DACH2: variants seen among roughly 807,000 people sequenced by gnomAD.
The protein encoded by DACH2 is dachshund family transcription factor 2, also known as dachshund homolog 2.
Under a neutral mutation model 35.8 loss-of-function variants are expected in DACH2, and 17 were observed. The ratio of observed to expected loss-of-function variants is 0.48; its 90% confidence interval spans 0.33 to 0.71. DACH2 has a LOEUF of 0.71. DACH2 is among the 30% of genes least tolerant of loss of function. The pLI is 0.02. For missense variants in DACH2, 469 were observed against 472.7 expected (o/e 0.99, Z 0.07); for synonymous variants, 195 against 177.3 (o/e 1.10, Z -0.79).
intron 1 of DACH2, among the ~76,000 whole-genome samples, chrX:86,204,730 GTTTA>G (rs1341975794): frequency 1.8e-5 from 2 of 111,966 alleles, no homozygotes; most frequent in African/African-American, 6.5e-5. Flanking sequence ...TATGATCCTT[GTTTA>G]TTTATTCCAA....
At chrX:86,264,509 CA>C (rs201443359) in intron 1 of DACH2, among the ~76,000 whole-genome samples, 2,840 of 111,368 alleles carry the variant, frequency 0.026, 51 homozygotes, top group Non-Finnish European at 0.04. Flanking sequence ...TAAAGATATT[CA>C]AAATTTGTAT....
At chrX:86,489,709 C>T (rs778302234) in intron 2 of DACH2, among the ~76,000 whole-genome samples, 206 of 111,465 alleles carry the variant, frequency 1.8e-3, no homozygotes, top group Non-Finnish European at 2.9e-3. Context: ...GTCTAAACCG[C>T]GTTCACTGTC....
chrX:86,401,123 TCA>T (rs1295926382), intron 2 of DACH2, among the ~76,000 whole-genome samples: 3 of 111,921 alleles, frequency 2.7e-5, no homozygotes, highest in Non-Finnish European at 3.8e-5. Context: ...CAGTTTGATC[TCA>T]GACTGCTGTG....
At chrX:86,604,513 A>G (rs1313139045) in intron 3 of DACH2, among the ~76,000 whole-genome samples, 1 of 111,967 alleles carries the variant, frequency 8.9e-6, no homozygotes, top group Non-Finnish European at 1.9e-5. Context: ...ATCATAGATT[A>G]TTTTGAGTGT....
intron 1 of DACH2, among the ~76,000 whole-genome samples, chrX:86,228,151 TG>T (rs1385310352): frequency 3.7e-5 from 4 of 109,211 alleles, no homozygotes; most frequent in Non-Finnish European, 5.7e-5. Context: ...CAAAGTCCAT[TG>T]TATCATTCTT....
intron 2 of DACH2, among the ~76,000 whole-genome samples, chrX:86,469,829 C>T (rs928253116): frequency 2.9e-5 from 3 of 104,513 alleles, no homozygotes; most frequent in African/African-American, 7.1e-5. Context: ...TATATGTATA[C>T]GTCTGTGTGT....
intron 7 of DACH2, among the ~76,000 whole-genome samples, chrX:86,747,977 C>A (rs867968197): frequency 8.9e-6 from 1 of 112,307 alleles, no homozygotes; most frequent in Non-Finnish European, 1.9e-5. Context: ...GTGTTCACAA[C>A]ATTTTTATCA....
chrX:86,695,732 T>C (rs924575607), intron 5 of DACH2, among the ~76,000 whole-genome samples: 1 of 109,849 alleles, frequency 9.1e-6, no homozygotes, highest in Non-Finnish European at 1.9e-5. Flanking sequence ...AGGCTGGTCT[T>C]GAACTCCTAA....
chrX:86,389,860 A>G (rs1390692260), intron 2 of DACH2, among the ~76,000 whole-genome samples: 1 of 112,500 alleles, frequency 8.9e-6, no homozygotes, highest in East Asian at 2.8e-4. Flanking sequence ...TTGTCATGAC[A>G]TTTCTTTTAC....
chrX:86,457,274 G>A (rs1440637585), intron 2 of DACH2, among the ~76,000 whole-genome samples: 1 of 111,776 alleles, frequency 8.9e-6, no homozygotes, highest in Non-Finnish European at 1.9e-5. Context: ...GGTTCTCTAA[G>A]TAACAGCTAT....
At chrX:86,634,747 GT>G (rs1431163179) in intron 3 of DACH2, among the ~76,000 whole-genome samples, 1 of 111,559 alleles carries the variant, frequency 9.0e-6, no homozygotes, top group African/African-American at 3.3e-5. Context: ...TGAAAGATCT[GT>G]AAAAGAAAAC....
intron 1 of DACH2, among the ~76,000 whole-genome samples, chrX:86,327,855 T>G (rs2035143336): frequency 9.0e-6 from 1 of 111,697 alleles, no homozygotes; most frequent in Non-Finnish European, 1.9e-5. Context: ...GTTAATTATT[T>G]TATTCACCTC....
chrX:86,356,534 G>T (rs1398589346), intron 1 of DACH2, among the ~76,000 whole-genome samples: 1 of 109,194 alleles, frequency 9.2e-6, no homozygotes, highest in Non-Finnish European at 1.9e-5. Flanking sequence ...TGGGTTCCAT[G>T]CGAATTTTAG....
intron 1 of DACH2, among the ~76,000 whole-genome samples, chrX:86,300,445 C>G (rs1415926540): frequency 9.2e-6 from 1 of 108,481 alleles, no homozygotes; most frequent in Non-Finnish European, 1.9e-5. Flanking sequence ...AAACCAAACA[C>G]TGCATGTTCT....
At chrX:86,478,536 G>GTTTTTTTTTTTTTTTT (rs2037884273) in intron 2 of DACH2, among the ~76,000 whole-genome samples, 1 of 90,010 alleles carries the variant, frequency 1.1e-5, no homozygotes. Flanking sequence ...TTTCTTTTTT[G>GTTTTTTTTTTTTTTTT]TTTTTCTTTT....
intron 7 of DACH2, among the ~76,000 whole-genome samples, chrX:86,748,205 T>G (rs1240093815): frequency 1.8e-5 from 2 of 112,238 alleles, no homozygotes; most frequent in African/African-American, 3.2e-5. Flanking sequence ...AATAAACTTC[T>G]TCCAAACTCT....
intron 1 of DACH2, among the ~76,000 whole-genome samples, chrX:86,366,191 G>A (rs999339455): frequency 2.7e-5 from 3 of 110,691 alleles, no homozygotes; most frequent in Non-Finnish European, 5.7e-5. Flanking sequence ...TTGGTGCTTG[G>A]CATTTTAAAT....
chrX:86,653,752 G>GCCT (rs773987464), intron 4 of DACH2, among the ~76,000 whole-genome samples: 1 of 97,854 alleles, frequency 1.0e-5, no homozygotes, highest in Admixed American at 1.2e-4. Flanking sequence ...TACAACCTCT[G>GCCT]CCTCCTGGGT....
intron 2 of DACH2, among the ~76,000 whole-genome samples, chrX:86,399,151 C>A (rs1256695004): frequency 8.1e-5 from 9 of 111,679 alleles, no homozygotes; most frequent in African/African-American, 2.9e-4. Context: ...TTCTTTGTCT[C>A]TTTTGATCTT....
Sources: gnomAD v4.1 joint callset for allele counts (sites outside exome capture counted in the v4.1 genomes callset) on GRCh38, gnomAD v4.1.1 for gene constraint, MANE v1.5 for transcripts, NCBI Gene and HGNC (gene_info 2026-07-23, HGNC 2026-07-21) for gene names.